Variants in ZFAT observed in about 807,000 individuals in gnomAD.
ZFAT encodes zinc finger and AT-hook domain containing, also known as zinc finger protein ZFAT.
Under a neutral mutation model 117.7 loss-of-function variants are expected in ZFAT, and 64 were observed. The observed-to-expected ratio is 0.54, with a 90% CI of 0.44 to 0.67. The LOEUF (loss-of-function observed/expected upper bound fraction) is 0.67. ZFAT is among the 30% of genes least tolerant of loss of function. ZFAT has a pLI of 0.00. For missense variants in ZFAT, 1,433 were observed against 1,584.5 expected, an observed-to-expected ratio of 0.90 and a Z score of 1.62; for synonymous variants, 679 against 615.0, an observed-to-expected ratio of 1.10 and a Z score of -1.54.
At chr8:134,813,960 TGGGAGA>T in the ZFAT span, among the ~76,000 whole-genome samples, 2 of 152,108 alleles carry the variant, frequency 1.3e-5, no homozygotes, top group African/African-American at 4.8e-5. Flanking sequence ...ATTCTTTGTG[TGGGAGA>T]CAAAAAGTTA....
At chr8:134,754,963 G>A in the ZFAT span, among the ~76,000 whole-genome samples, 62 of 152,296 alleles carry the variant, frequency 4.1e-4, no homozygotes, top group African/African-American at 1.1e-3. Context: ...AGCGGGTCTC[G>A]GAGATAGGGC....
At chr8:134,600,003 T>A in intron 7 of ZFAT, 1 of 369,114 alleles carries the variant, frequency 2.7e-6, no homozygotes, top group South Asian at 2.1e-5. Context: ...GTCATCAACA[T>A]CTACTATGCT....
intron 3 of ZFAT, among the ~76,000 whole-genome samples, chr8:134,616,994 C>T (rs769181096): frequency 2.0e-5 from 3 of 152,204 alleles, no homozygotes; most frequent in Admixed American, 6.5e-5. Flanking sequence ...CATCAATGTT[C>T]GCCTTCTCTG....
intron 1 of ZFAT, among the ~76,000 whole-genome samples, chr8:134,670,539 G>A (rs1311809316): frequency 1.3e-5 from 2 of 152,254 alleles, no homozygotes; most frequent in African/African-American, 2.4e-5. Context: ...AAATAAAGAT[G>A]TTCTTTGAAA....
At chr8:134,761,321 A>G in the ZFAT span, among the ~76,000 whole-genome samples, 3 of 152,082 alleles carry the variant, frequency 2.0e-5, no homozygotes, top group Non-Finnish European at 4.4e-5. Context: ...TTTGTGATAC[A>G]TGCATCTAGA....
chr8:134,522,210 C>A (rs982485520), intron 12 of ZFAT, among the ~76,000 whole-genome samples: 3 of 152,260 alleles, frequency 2.0e-5, no homozygotes, highest in Non-Finnish European at 2.9e-5. Context: ...GCAGCAATGC[C>A]ACCTCCACGG....
At chr8:134,631,397 G>A (rs1003027854) in intron 3 of ZFAT, among the ~76,000 whole-genome samples, 4 of 152,200 alleles carry the variant, frequency 2.6e-5, no homozygotes, top group East Asian at 3.8e-4. Flanking sequence ...AGGCACAGAC[G>A]TGATAGAGCA....
In ZFAT at chr8:134,520,919, C is replaced by T. The variant is rs781661250; in HGVS notation, c.3198G>A (p.Leu1066=). The T allele has an allele frequency of 2.5e-6, 4 of 1,613,922 alleles. No homozygotes were observed. The South Asian group carries it at 3.3e-5, about 13-fold the overall frequency. The change falls in exon 13 of 16, where the codon TTG becomes TTA. Residue 1066 remains leucine (L), a synonymous_variant. Transcript: ENST00000377838. ...GGTCTCCATCAATTTCCACCACCTTCAAGCCATGTTTGTTCTTCAAGTGCC... is the reference window on the plus strand; with the variant it reads ...GGTCTCCATCAATTTCCACCACCTTTAAGCCATGTTTGTTCTTCAAGTGCC... ...FNRHLKNKHG[L]KVVEIDGDPK... is the part of the protein sequence containing the mutation.
intron 11 of ZFAT, among the ~76,000 whole-genome samples, chr8:134,545,186 A>G (rs1287122151): frequency 2.6e-5 from 4 of 152,220 alleles, no homozygotes; most frequent in Non-Finnish European, 5.9e-5. Flanking sequence ...CAGTCTGACC[A>G]ATATAACTCT....
rs528663410 is a variant in ZFAT, at chr8:134,614,547, A to G, written c.449-3892T>C. Among the ~76,000 whole-genome samples, 145 of 152,332 alleles carry G rather than the reference A, an allele frequency of 9.5e-4. 2 individuals carry two copies. Among genetic ancestry groups the G allele is most frequent in the African/African-American group, 3.0e-3 (125 of 41,572 alleles). On this transcript the variant is annotated intron_variant, in intron 3 of 15. Transcript: ENST00000377838. ...CCACACTGCTTACAATTATCTGTTG[A>G]CATGCCTTATCCATATTGTGACCTC... is the stretch of plus-strand genomic sequence containing the variant.
chr8:134,540,838 C>T (rs1293317375), intron 11 of ZFAT, among the ~76,000 whole-genome samples: 1 of 152,192 alleles, frequency 6.6e-6, no homozygotes, highest in Non-Finnish European at 1.5e-5. Flanking sequence ...TTTTTATGAA[C>T]TATATCTAAC....
chr8:134,521,628 G>GT (rs758578926), intron 12 of ZFAT, among the ~76,000 whole-genome samples: 1 of 151,352 alleles, frequency 6.6e-6, no homozygotes, highest in Non-Finnish European at 1.5e-5. Context: ...ACAACTCTAG[G>GT]TTTAAAAAAA....
the ZFAT span, among the ~76,000 whole-genome samples, chr8:134,813,475 G>A: frequency 9.2e-5 from 14 of 152,248 alleles, no homozygotes; most frequent in East Asian, 1.7e-3. Flanking sequence ...GTGCAATGGC[G>A]CAATCTCAGT....
At chr8:134,777,141 AG>A in the ZFAT span, among the ~76,000 whole-genome samples, 2 of 152,228 alleles carry the variant, frequency 1.3e-5, no homozygotes, top group Admixed American at 1.3e-4. Context: ...TTGTAAAATG[AG>A]GATGAAAGAA....
chr8:134,608,726 T>C lies in ZFAT; in HGVS notation c.785+3A>G, dbSNP rs775254888. On this transcript the variant is annotated splice_donor_region_variant and intron_variant, in intron 5 of 15. Coordinates refer to ENST00000377838, the MANE Select transcript of ZFAT (RefSeq NM_020863.4). ...TGAAGTTACACAGAACAAAACACTT[T>C]ACCTGCTTGACTTCATTGGTTGCTC... 6.2e-7 allele frequency: 1 copy of C among 1,609,852 alleles called. No homozygotes were observed.
chr8:134,521,146 T>C, intron 12 of ZFAT, 145 bp from the exon 13 acceptor site: 2 of 610,148 alleles, frequency 3.3e-6, no homozygotes, highest in Non-Finnish European at 5.7e-6. Flanking sequence ...TACCTTAGTA[T>C]TGGAACACAA....
chr8:134,804,698 C>T, the ZFAT span, among the ~76,000 whole-genome samples: 413 of 152,242 alleles, frequency 2.7e-3, 2 homozygotes, highest in African/African-American at 9.4e-3. Context: ...CTGGGAAGCT[C>T]GAGACGGCAT....
At chr8:134,514,916 C>T (rs979617071) in intron 13 of ZFAT, among the ~76,000 whole-genome samples, 1 of 152,136 alleles carries the variant, frequency 6.6e-6, no homozygotes, top group African/African-American at 2.4e-5. Flanking sequence ...CCCATCAACT[C>T]GTCATCTACA....
chr8:134,769,219 A>C, the ZFAT span, among the ~76,000 whole-genome samples: 3 of 152,120 alleles, frequency 2.0e-5, no homozygotes, highest in Non-Finnish European at 2.9e-5. Flanking sequence ...AGTCTCATCC[A>C]AGATAAGGCA....
Sources: allele counts gnomAD v4.1 joint callset (sites outside exome capture counted in the v4.1 genomes callset), GRCh38; gene constraint gnomAD v4.1.1; transcripts MANE v1.5; gene names NCBI Gene and HGNC (gene_info 2026-07-23, HGNC 2026-07-21).